The following BRF1 variants were observed in gnomAD, a reference collection of about 807,000 sequenced individuals.
BRF1 encodes transcription factor IIIB 90 kDa subunit.
BRF1 carries 59 observed loss-of-function variants against 81.7 expected under a neutral mutation model. That is an observed-to-expected ratio of 0.72 (90% confidence interval 0.59 to 0.90). The LOEUF (loss-of-function observed/expected upper bound fraction) is 0.90, where lower values mean the gene tolerates loss of function less well. BRF1 is among the 40% of genes least tolerant of loss of function. BRF1 has a pLI of 0.00. For synonymous variants in BRF1, 491 were observed against 395.6 expected (o/e 1.24, Z -2.86); for missense variants, 1,050 against 936.3 (o/e 1.12, Z -1.58).
chr14:105,241,602 G>A (rs587658505), intron 5 of BRF1, 188 bp from the exon 6 acceptor site: 1 of 742,658 alleles, frequency 1.3e-6, no homozygotes, highest in Non-Finnish European at 2.2e-6. Flanking sequence ...CCGAACCCAG[G>A]AGAGCCACTG....
At chr14:105,229,340 T>C (rs926134473) in intron 6 of BRF1, among the ~76,000 whole-genome samples, 1 of 152,136 alleles carries the variant, frequency 6.6e-6, no homozygotes, top group African/African-American at 2.4e-5. Context: ...GCCCAGAACC[T>C]CCAGTGCAAA....
At chr14:105,274,139 A>C (rs1404760076) in intron 2 of BRF1, among the ~76,000 whole-genome samples, 2 of 152,208 alleles carry the variant, frequency 1.3e-5, no homozygotes, top group African/African-American at 2.4e-5. Flanking sequence ...GAGAAACATA[A>C]ATCTGGCCTA....
intron 14 of BRF1, among the ~76,000 whole-genome samples, chr14:105,218,290 A>T (rs962503036): frequency 2.0e-5 from 3 of 152,158 alleles, no homozygotes; most frequent in African/African-American, 7.2e-5. Context: ...ACTTCAGGGC[A>T]ATCAGCCTGC....
chr14:105,243,285 C>CA (rs3083977), intron 5 of BRF1, among the ~76,000 whole-genome samples: 1,373 of 127,676 alleles, frequency 0.011, 17 homozygotes, highest in African/African-American at 0.034. Context: ...TACTAAAATA[C>CA]AAAAAAAAAA....
chr14:105,247,907 A>G, intron 5 of BRF1: 1 of 985,480 alleles, frequency 1.0e-6, no homozygotes, highest in Non-Finnish European at 1.2e-6. Flanking sequence ...GATTAGCCCC[A>G]GGCCGGGAGG....
chr14:105,267,966 G>A (rs587693806), intron 3 of BRF1, among the ~76,000 whole-genome samples: 1 of 149,362 alleles, frequency 6.7e-6, no homozygotes, highest in African/African-American at 2.6e-5. Flanking sequence ...CGCGTGGCCA[G>A]GCACGCCATG....
chr14:105,252,704 C>T, intron 4 of BRF1, 125 bp from the exon 5 acceptor site: 4 of 1,023,258 alleles, frequency 3.9e-6, no homozygotes, highest in Non-Finnish European at 4.2e-6. Context: ...GCAGCCACCC[C>T]ACACCCGCAA....
intron 5 of BRF1, among the ~76,000 whole-genome samples, chr14:105,251,381 G>C (rs587750681): frequency 2.6e-5 from 4 of 152,184 alleles, no homozygotes; most frequent in Admixed American, 1.3e-4. Context: ...ATTCTGCTGG[G>C]CCCAGCGTTC....
intron 1 of BRF1, among the ~76,000 whole-genome samples, chr14:105,287,406 G>C (rs1041730005): frequency 7.2e-5 from 11 of 152,162 alleles, no homozygotes; most frequent in African/African-American, 2.7e-4. Context: ...GGGAGAGCTG[G>C]AAAGTGCCCC....
chr14:105,286,283 C>T lies in BRF1; in HGVS notation c.265+13G>A, dbSNP rs587626155. The T allele has an allele frequency of 2.3e-5, 37 of 1,610,428 alleles. No individual in the cohort carries two copies. The highest frequency in any genetic ancestry group is 2.2e-4 in the East Asian group (10 of 44,846). ...CCCGCCGCACGCTCAGCAGCATCCG[C>T]GGTGGGAAATACCATTCTGCAGGGT... On this transcript the variant is annotated intron_variant, in intron 2 of 17. Coordinates refer to ENST00000547530, the MANE Select transcript of BRF1 (RefSeq NM_001519.4).
rs186085657 is a variant in BRF1, at chr14:105,282,731, G to A, written c.265+3565C>T. Among the ~76,000 whole-genome samples, 10 of 152,226 alleles carry A rather than the reference G, an allele frequency of 6.6e-5. No individual in the cohort carries two copies. In the East Asian group the frequency reaches 1.7e-3, roughly 26 times the overall value. On this transcript the variant is annotated intron_variant, in intron 2 of 17. Transcript: ENST00000547530. Reference sequence around the variant, plus strand: ...GTGGATCACCTGAGGTCAGGAGTTCGAGATAAGCCTGGCCAACATGGCAAA... The same window carrying A: ...GTGGATCACCTGAGGTCAGGAGTTCAAGATAAGCCTGGCCAACATGGCAAA...
intron 1 of BRF1, among the ~76,000 whole-genome samples, chr14:105,290,898 G>A (rs587679133): frequency 1.3e-4 from 20 of 151,944 alleles, no homozygotes; most frequent in African/African-American, 1.4e-4. Flanking sequence ...ACCCTGGTGC[G>A]TGCACACTTG....
intron 3 of BRF1, among the ~76,000 whole-genome samples, chr14:105,266,458 C>T (rs1383874173): frequency 6.6e-6 from 1 of 151,746 alleles, no homozygotes; most frequent in African/African-American, 2.4e-5. Context: ...CGTTAGGTAA[C>T]AGATTAAGGG....
intron 1 of BRF1, among the ~76,000 whole-genome samples, chr14:105,313,141 C>T (rs913068020): frequency 6.6e-6 from 1 of 152,180 alleles, no homozygotes; most frequent in African/African-American, 2.4e-5. Flanking sequence ...AGTTGTAGTC[C>T]CTGCCTGGGT....
At chr14:105,292,013 A>AT (rs946042452) in intron 1 of BRF1, among the ~76,000 whole-genome samples, 3 of 152,108 alleles carry the variant, frequency 2.0e-5, no homozygotes, top group Non-Finnish European at 4.4e-5. Context: ...AGAAAAAAAA[A>AT]GAAGTCTCAC....
chr14:105,219,159 T>A lies in BRF1; in HGVS notation c.1451A>T (p.Glu484Val). The A allele has an allele frequency of 1.2e-6, 2 of 1,612,332 alleles. No homozygotes were observed. Among genetic ancestry groups the A allele is most frequent in the Non-Finnish European group, 1.7e-6 (2 of 1,178,676 alleles). The change falls in exon 13 of 18, where the codon GAA (glutamate) becomes GTA (valine). Residue 484 changes from glutamate (E) to valine (V), a missense_variant. Physicochemically the swap from Glu to Val is moderately radical, Grantham distance 121. Around this residue, in one of 2 missense-constraint regions of BRF1, gnomAD observed 1,043 missense variants for 915.4 expected, o/e 1.14. Coordinates refer to ENST00000547530, the MANE Select transcript of BRF1 (RefSeq NM_001519.4). The part of the protein sequence containing the change: ...WMRENAEYLR[E>V]QREKEARIAK... ...GGGCGGGTGGCGCTTACCCCTCTGT[T>A]CCCGCAGGTACTCGGCGTTCTCCCT...
At chr14:105,279,838 T>A (rs1048095349) in intron 2 of BRF1, among the ~76,000 whole-genome samples, 1 of 152,176 alleles carries the variant, frequency 6.6e-6, no homozygotes, top group Non-Finnish European at 1.5e-5. Context: ...TAAACTGTGG[T>A]CTATTCATCC....
intron 6 of BRF1, 24 bp downstream of exon 6, chr14:105,241,241 C>T (rs1040249618): frequency 5.6e-6 from 9 of 1,607,262 alleles, no homozygotes; most frequent in African/African-American, 5.3e-5. Flanking sequence ...CCAGCATCCC[C>T]CAGGCAGGCA....
At chr14:105,254,328 C>G (rs2055762379) in intron 4 of BRF1, among the ~76,000 whole-genome samples, 1 of 152,216 alleles carries the variant, frequency 6.6e-6, no homozygotes, top group East Asian at 1.9e-4. Flanking sequence ...GCAATCTCTG[C>G]TCACTGCAAG....
Sources: allele counts gnomAD v4.1 joint callset (sites outside exome capture counted in the v4.1 genomes callset), GRCh38; gene constraint gnomAD v4.1.1; regional missense constraint gnomAD v4.1.1; transcripts MANE v1.5; gene names NCBI Gene and HGNC (gene_info 2026-07-23, HGNC 2026-07-21).